TMEM135: variants seen among roughly 807,000 people sequenced by gnomAD.
The protein encoded by TMEM135 is transmembrane protein 135.
A neutral mutation model predicts 60.3 loss-of-function variants in TMEM135; 30 were observed. The ratio of observed to expected loss-of-function variants is 0.50; its 90% CI spans 0.37 to 0.68. TMEM135 has a LOEUF of 0.68. Among genes scored for constraint, TMEM135 ranks in the 30% least tolerant of loss-of-function variants. TMEM135 has a pLI of 0.00. For synonymous variants in TMEM135, 190 were observed against 186.7 expected (o/e 1.02, Z -0.14); for missense variants, 468 against 548.8 (o/e 0.85, Z 1.47).
chr11:87,038,090 C>G lies in TMEM135; in HGVS notation c.45C>G (p.Ile15Met). 6.2e-7 allele frequency: 1 copy of G among 1,614,146 alleles called. No individual in the cohort carries two copies. The highest frequency in any genetic ancestry group is 1.3e-5 in the African/African-American group (1 of 75,044). The change falls in exon 1 of 15, where the codon ATC (isoleucine) becomes ATG (methionine). Residue 15 changes from isoleucine to methionine, a missense_variant. By Grantham distance (10) the Ile-to-Met change is conservative. Coordinates refer to ENST00000305494, the MANE Select transcript of TMEM135 (RefSeq NM_022918.4). ...CCATCCCTCATAACTGCTATGAGAT[C>G]GGCCACACTTGGCACCCTTCCTGCC... ...SKSIPHNCYEIGHTWHPSCRV... is the reference protein window; with the variant it reads ...SKSIPHNCYEMGHTWHPSCRV...
At chr11:87,060,673 C>T (rs533916529) in intron 1 of TMEM135, among the ~76,000 whole-genome samples, 6 of 147,128 alleles carry the variant, frequency 4.1e-5, no homozygotes, top group East Asian at 2.0e-4. Context: ...GACGGAGTCT[C>T]GCTCTGTCAC....
chr11:87,232,201 T>G (rs1198211495), intron 5 of TMEM135, among the ~76,000 whole-genome samples: 1 of 152,146 alleles, frequency 6.6e-6, no homozygotes, highest in East Asian at 1.9e-4. Context: ...TCTGACAACC[T>G]TGGCCTCCCA....
intron 1 of TMEM135, among the ~76,000 whole-genome samples, chr11:87,057,897 G>T (rs185115160): frequency 6.6e-6 from 1 of 152,166 alleles, no homozygotes; most frequent in Non-Finnish European, 1.5e-5. Context: ...TGGCATGCTG[G>T]AGACCCAGAG....
chr11:87,305,823 C>T (rs528882942), intron 8 of TMEM135, 113 bp from the exon 9 acceptor site: 27 of 486,888 alleles, frequency 5.5e-5, no homozygotes, highest in African/African-American at 3.0e-4. Context: ...GTTTTCTTCT[C>T]TCTCTTTTTT....
At chr11:87,175,990 G>A (rs1356593913) in intron 5 of TMEM135, among the ~76,000 whole-genome samples, 1 of 152,036 alleles carries the variant, frequency 6.6e-6, no homozygotes, top group Non-Finnish European at 1.5e-5. Flanking sequence ...TATGTGTATG[G>A]CCAAATGTAA....
At chr11:87,309,049 A>AT (rs773155680) in intron 9 of TMEM135, among the ~76,000 whole-genome samples, 6 of 152,172 alleles carry the variant, frequency 3.9e-5, no homozygotes, top group Admixed American at 1.3e-4. Context: ...TAATGAAAAT[A>AT]TTTTTCTATG....
chr11:87,081,421 C>G (rs1322913288), intron 3 of TMEM135, among the ~76,000 whole-genome samples: 1 of 151,884 alleles, frequency 6.6e-6, no homozygotes, highest in Non-Finnish European at 1.5e-5. Context: ...ATTTTACTAC[C>G]TCTCAAAATG....
intron 4 of TMEM135, among the ~76,000 whole-genome samples, chr11:87,102,900 A>G (rs1278107063): frequency 1.3e-5 from 2 of 151,856 alleles, no homozygotes; most frequent in Non-Finnish European, 2.9e-5. Context: ...TCAAAAATTT[A>G]TTTCTCTTGT....
chr11:87,241,871 A>G (rs1941143283), intron 6 of TMEM135, among the ~76,000 whole-genome samples: 2 of 151,836 alleles, frequency 1.3e-5, no homozygotes, highest in South Asian at 4.2e-4. Flanking sequence ...TATTATTATT[A>G]CACTTTAAGT....
chr11:87,194,151 T>C (rs964996556), intron 5 of TMEM135, among the ~76,000 whole-genome samples: 3 of 152,160 alleles, frequency 2.0e-5, no homozygotes, highest in Non-Finnish European at 4.4e-5. Flanking sequence ...AAAAAGAAAC[T>C]GTGGCTCCAC....
Position 87,141,335 on chromosome 11 carries a change from T to A in TMEM135, c.397-16006T>A, listed in dbSNP as rs972431479. ...CTTTATTCCTAAATGTTTAATATAT[T>A]TGTATTCTAATGGAATGGAAATGTT... is the stretch of plus-strand genomic sequence containing the variant. On this transcript the variant is annotated intron_variant, in intron 4 of 14. Transcript: ENST00000305494. Among the ~76,000 whole-genome samples, 4 of 152,194 alleles carry A rather than the reference T, an allele frequency of 2.6e-5. No homozygotes were observed. The East Asian group carries it at 5.8e-4, about 22-fold the overall frequency.
At chr11:87,175,225 T>A (rs1335598522) in intron 5 of TMEM135, among the ~76,000 whole-genome samples, 1 of 152,196 alleles carries the variant, frequency 6.6e-6, no homozygotes, top group Non-Finnish European at 1.5e-5. Flanking sequence ...AAATTTATAC[T>A]TCATGCCAGA....
At position 87,328,593 on chromosome 11, in the gene TMEM135, A is replaced by C. The variant is rs1590877345; in HGVS notation, c.*7260A>C. ...CCCACTTACAGTTGAGAACATACAG[A>C]ATTTGATTTTCTATTCCGGAGTTAC... On this transcript the variant is annotated 3_prime_UTR_variant, in exon 15 of 15. Transcript: ENST00000305494. The C allele has an allele frequency of 2.2e-6, 1 of 454,032 alleles. No individual in the cohort carries two copies. The highest frequency in any genetic ancestry group is 4.4e-6 in the Non-Finnish European group (1 of 226,780). 28.1% of individuals were successfully genotyped at this position (454,032 alleles called of 1,614,324 possible). A position where few individuals can be genotyped will look rare whatever the true frequency, so the allele number is the denominator to read the frequency against.
At chr11:87,061,238 C>T (rs1320139493) in intron 1 of TMEM135, among the ~76,000 whole-genome samples, 2 of 152,114 alleles carry the variant, frequency 1.3e-5, no homozygotes, top group Non-Finnish European at 2.9e-5. Flanking sequence ...GTTGTTCTTA[C>T]TCAATAAGGG....
chr11:87,060,096 G>A (rs542352481), intron 1 of TMEM135, among the ~76,000 whole-genome samples: 1 of 152,050 alleles, frequency 6.6e-6, no homozygotes, highest in Non-Finnish European at 1.5e-5. Context: ...CTTGGCAACA[G>A]AGCATGACTC....
At chr11:87,041,913 T>A (rs954219988) in intron 1 of TMEM135, among the ~76,000 whole-genome samples, 4 of 152,212 alleles carry the variant, frequency 2.6e-5, no homozygotes, top group African/African-American at 9.7e-5. Context: ...TACTTCTAGG[T>A]TGTCAAGTCA....
chr11:87,152,353 T>G (rs997671218), intron 4 of TMEM135, among the ~76,000 whole-genome samples: 2 of 152,250 alleles, frequency 1.3e-5, no homozygotes, highest in African/African-American at 4.8e-5. Flanking sequence ...GTAGTATATT[T>G]AATGTAATGG....
chr11:87,267,060 G>T (rs1941763840), intron 6 of TMEM135, among the ~76,000 whole-genome samples: 1 of 152,176 alleles, frequency 6.6e-6, no homozygotes, highest in Non-Finnish European at 1.5e-5. Context: ...GCTGGATAAG[G>T]AGGATAGTGA....
chr11:87,055,088 A>G (rs921127420), intron 1 of TMEM135, among the ~76,000 whole-genome samples: 3 of 152,210 alleles, frequency 2.0e-5, no homozygotes, highest in African/African-American at 7.2e-5. Context: ...GGTAAGTGCT[A>G]TTAAGAAGAC....
Sources: gnomAD v4.1 joint callset for allele counts (sites outside exome capture counted in the v4.1 genomes callset) on GRCh38, gnomAD v4.1.1 for gene constraint, MANE v1.5 for transcripts, NCBI Gene and HGNC (gene_info 2026-07-23, HGNC 2026-07-21) for gene names.